The following GRID2 variants were observed in gnomAD, a reference collection of about 807,000 sequenced individuals.
The protein encoded by GRID2 is glutamate ionotropic receptor delta type subunit 2, also known as glutamate receptor ionotropic, delta-2.
In GRID2, 33 loss-of-function variants were observed where a neutral mutation model predicts 114.8. The ratio of observed to expected loss-of-function variants is 0.29; its 90% CI spans 0.22 to 0.38. The LOEUF is 0.38. Among genes scored for constraint, GRID2 ranks in the 10% least tolerant of loss-of-function variants. GRID2 has a pLI of 1.00. For missense variants in GRID2, 1,184 were observed against 1,257.7 expected, an observed-to-expected ratio of 0.94 and a Z score of 0.89; for synonymous variants, 505 against 449.9, an observed-to-expected ratio of 1.12 and a Z score of -1.55.
chr4:93,504,591 A>G (rs1728446864), intron 12 of GRID2, among the ~76,000 whole-genome samples: 1 of 152,084 alleles, frequency 6.6e-6, no homozygotes, highest in African/African-American at 2.4e-5. Context: ...TCAGAGATGG[A>G]AAAAACAAAC....
chr4:93,341,109 C>T (rs542216974), intron 8 of GRID2, among the ~76,000 whole-genome samples: 151 of 152,176 alleles, frequency 9.9e-4, no homozygotes, highest in African/African-American at 2.6e-3. Context: ...TTTCAAAGCA[C>T]ATTTTAATTC....
chr4:93,346,128 T>G (rs1760212427), intron 8 of GRID2, among the ~76,000 whole-genome samples: 1 of 152,188 alleles, frequency 6.6e-6, no homozygotes. Flanking sequence ...TTTGGGTATT[T>G]TAGGTCTCCA....
At chr4:93,256,527 C>A (rs555979186) in intron 8 of GRID2, among the ~76,000 whole-genome samples, 2 of 151,498 alleles carry the variant, frequency 1.3e-5, no homozygotes, top group Non-Finnish European at 2.9e-5. Context: ...CATGGCATAG[C>A]AAGGTTAGAC....
intron 8 of GRID2, among the ~76,000 whole-genome samples, chr4:93,254,413 C>CT: frequency 6.6e-6 from 1 of 152,236 alleles, no homozygotes; most frequent in East Asian, 1.9e-4. Context: ...GAGTAAGTCA[C>CT]TTGATGCTCA....
In GRID2 at chr4:92,622,410, C is replaced by A. The variant is rs573360954; in HGVS notation, c.244+32124C>A. On this transcript the variant is annotated intron_variant, in intron 2 of 15. Coordinates refer to ENST00000282020, the MANE Select transcript of GRID2 (RefSeq NM_001510.4). ...TTCTCTTGGAGTGGATGCTCTTTCC[C>A]GACTCTCCTAATATATGTTAAGGAG... Among the ~76,000 whole-genome samples the A allele has an allele frequency of 2.6e-5, 4 of 151,626 alleles. No homozygotes were observed. The South Asian group carries it at 8.3e-4, about 32-fold the overall frequency.
chr4:93,781,225 A>G (rs1361606905), intron 1 of GRID2, among the ~76,000 whole-genome samples: 1 of 152,198 alleles, frequency 6.6e-6, no homozygotes, highest in Non-Finnish European at 1.5e-5. Context: ...TGAATTTTTA[A>G]CAAGTGATGG....
intron 2 of GRID2, among the ~76,000 whole-genome samples, chr4:92,637,271 T>C (rs755017676): frequency 9.9e-5 from 15 of 152,000 alleles, no homozygotes; most frequent in Non-Finnish European, 1.8e-4. Flanking sequence ...CATTTTCATC[T>C]AAGAAGCATG....
chr4:92,832,242 C>G (rs1383829019), intron 2 of GRID2, among the ~76,000 whole-genome samples: 1 of 151,740 alleles, frequency 6.6e-6, no homozygotes, highest in Non-Finnish European at 1.5e-5. Flanking sequence ...GAGTTGGAGA[C>G]CAGCCTGGCC....
At chr4:92,621,003 A>AT (rs1730247876) in intron 2 of GRID2, among the ~76,000 whole-genome samples, 1 of 151,542 alleles carries the variant, frequency 6.6e-6, no homozygotes, top group Non-Finnish European at 1.5e-5. Context: ...GCCAAAAAAA[A>AT]AAAAAAAAGA....
intron 1 of GRID2, among the ~76,000 whole-genome samples, chr4:92,554,975 C>T (rs1477368709): frequency 6.6e-6 from 1 of 151,962 alleles, no homozygotes; most frequent in Non-Finnish European, 1.5e-5. Context: ...AGATATTTTG[C>T]ATAAGGTTAG....
At chr4:92,661,971 C>T (rs950212678) in intron 2 of GRID2, among the ~76,000 whole-genome samples, 15 of 150,944 alleles carry the variant, frequency 9.9e-5, no homozygotes, top group African/African-American at 3.6e-4. Context: ...TATCTATTTT[C>T]ATACAAAGAA....
At chr4:93,376,262 C>CA (rs1031088968) in intron 8 of GRID2, among the ~76,000 whole-genome samples, 2 of 151,510 alleles carry the variant, frequency 1.3e-5, no homozygotes, top group African/African-American at 4.9e-5. Flanking sequence ...CGTATGACTA[C>CA]AAAAAAAGGA....
chr4:93,307,260 A>C (rs544012632), intron 8 of GRID2, among the ~76,000 whole-genome samples: 18 of 152,070 alleles, frequency 1.2e-4, no homozygotes, highest in African/African-American at 4.1e-4. Context: ...GAAATAACCT[A>C]TTGTGGTATT....
intron 1 of GRID2, among the ~76,000 whole-genome samples, chr4:92,513,264 A>G (rs963263696): frequency 3.3e-5 from 5 of 151,842 alleles, no homozygotes; most frequent in African/African-American, 1.2e-4. Context: ...ACATTTTGTC[A>G]CAGGATTCTG....
At chr4:92,320,546 C>T (rs553746732) in intron 1 of GRID2, among the ~76,000 whole-genome samples, 4 of 152,206 alleles carry the variant, frequency 2.6e-5, no homozygotes, top group African/African-American at 7.2e-5. Context: ...GTGATCTCTG[C>T]TAACTGCAAC....
intron 2 of GRID2, among the ~76,000 whole-genome samples, chr4:92,594,493 C>T (rs1224834020): frequency 5.3e-5 from 8 of 151,866 alleles, no homozygotes; most frequent in Non-Finnish European, 8.8e-5. Flanking sequence ...CTTATAGAAA[C>T]GATCATTATT....
chr4:92,693,167 A>G (rs887600323), intron 2 of GRID2, among the ~76,000 whole-genome samples: 1 of 152,024 alleles, frequency 6.6e-6, no homozygotes, highest in Non-Finnish European at 1.5e-5. Context: ...ATAATTTTTA[A>G]TAGACTTCAA....
intron 2 of GRID2, among the ~76,000 whole-genome samples, chr4:92,792,844 A>G (rs1739659330): frequency 1.3e-5 from 2 of 151,822 alleles, no homozygotes; most frequent in African/African-American, 4.8e-5. Flanking sequence ...GTAAAGTTAA[A>G]AAATATTTTT....
At chr4:92,799,115 T>C (rs747787740) in intron 2 of GRID2, among the ~76,000 whole-genome samples, 20 of 151,974 alleles carry the variant, frequency 1.3e-4, no homozygotes, top group Admixed American at 6.6e-4. Flanking sequence ...CTCACCATAA[T>C]GTAGAATCAC....
Sources: gnomAD v4.1 joint callset for allele counts (sites outside exome capture counted in the v4.1 genomes callset) on GRCh38, gnomAD v4.1.1 for gene constraint, MANE v1.5 for transcripts, NCBI Gene and HGNC (gene_info 2026-07-23, HGNC 2026-07-21) for gene names.